Variants in AKAP8 observed in about 807,000 individuals in gnomAD.
AKAP8 encodes the protein A-kinase anchoring protein 8, also known as A-kinase anchor protein 8.
Under a neutral mutation model 67.5 loss-of-function variants are expected in AKAP8, and 24 were observed. The ratio of observed to expected loss-of-function variants is 0.36; its 90% CI spans 0.26 to 0.50. The LOEUF (loss-of-function observed/expected upper bound fraction) is 0.50, where lower values mean the gene tolerates loss of function less well. Among genes scored for constraint, AKAP8 ranks in the 20% least tolerant of loss-of-function variants. AKAP8 has a pLI of 0.97. For missense variants in AKAP8, 971 were observed against 955.9 expected, an observed-to-expected ratio of 1.02 and a Z score of -0.21; for synonymous variants, 400 against 371.1, an observed-to-expected ratio of 1.08 and a Z score of -0.90.
At chr19:15,357,663 C>T (rs528689836) in intron 13 of AKAP8, among the ~76,000 whole-genome samples, 91 of 149,810 alleles carry the variant, frequency 6.1e-4, no homozygotes, top group Non-Finnish European at 1.1e-3. Flanking sequence ...TTTTACCTTG[C>T]TTAAGCTGCA....
intron 6 of AKAP8, 102 bp from the exon 7 acceptor site, chr19:15,372,100 A>G: frequency 6.2e-7 from 1 of 1,608,562 alleles, no homozygotes; most frequent in Admixed American, 1.7e-5. Context: ...CCCTGACCAC[A>G]GTGGGGTTGA....
At chr19:15,363,978 C>T (rs962630523) in intron 9 of AKAP8, among the ~76,000 whole-genome samples, 2 of 151,538 alleles carry the variant, frequency 1.3e-5, no homozygotes, top group African/African-American at 2.4e-5. Flanking sequence ...GAGTCGTCAC[C>T]ACTCCCTAAT....
At position 15,353,546 on chromosome 19, in the gene AKAP8, A is replaced by G. The variant is rs895229784; in HGVS notation, c.*1369T>C. The G allele has an allele frequency of 7.9e-5, 12 of 152,072 alleles. No homozygotes were observed. Among genetic ancestry groups the G allele is most frequent in the African/African-American group, 2.9e-4 (12 of 41,484 alleles). The allele number at this position is 152,072 out of a possible 1,614,324, so 9.4% of individuals were successfully genotyped here. On this transcript the variant is annotated 3_prime_UTR_variant, in exon 14 of 14. Coordinates refer to ENST00000269701, the MANE Select transcript of AKAP8 (RefSeq NM_005858.4). ...TCGTCTTTTCAAGCAGTTTATTTCC[A>G]TTTTCAGTTCTAATGTTGACTTTTT...
chr19:15,367,821 G>C (rs1363175167), intron 9 of AKAP8, among the ~76,000 whole-genome samples: 1 of 152,230 alleles, frequency 6.6e-6, no homozygotes, highest in East Asian at 1.9e-4. Flanking sequence ...ACACAGGACA[G>C]TGTCTGAGAT....
At position 15,379,775 on chromosome 19, in the gene AKAP8, A is replaced by G. The variant is rs1274329754; in HGVS notation, c.-44T>C. On this transcript the variant is annotated 5_prime_UTR_variant, in exon 1 of 14. Coordinates refer to ENST00000269701, the MANE Select transcript of AKAP8 (RefSeq NM_005858.4). ...CAGCAGCCCCGTTTACTAGGCGACC[A>G]CAGCACGCATGCGTTCAGCGCACCT... is the stretch of plus-strand genomic sequence containing the variant. 1.2e-6 allele frequency: 2 copies of G among 1,609,630 alleles called. No individual in the cohort carries two copies. Among genetic ancestry groups the G allele is most frequent in the East Asian group, 2.2e-5 (1 of 44,542 alleles).
intron 4 of AKAP8, 116 bp from the exon 5 acceptor site, chr19:15,373,456 C>T: frequency 2.1e-6 from 3 of 1,426,490 alleles, no homozygotes; most frequent in Non-Finnish European, 2.8e-6. Context: ...CACCCTGCAT[C>T]CCACCTAAGT....
chr19:15,373,863 C>T lies in AKAP8; in HGVS notation c.294G>A (p.Gln98=), dbSNP rs1332921187. 5.6e-6 allele frequency: 9 copies of T among 1,613,086 alleles called. No homozygotes were observed. Among genetic ancestry groups the T allele is most frequent in the Non-Finnish European group, 7.6e-6 (9 of 1,179,942 alleles). Residue 98 remains glutamine, a synonymous_variant, in exon 4 of 14, where the codon CAG becomes CAA. Coordinates refer to ENST00000269701, the MANE Select transcript of AKAP8 (RefSeq NM_005858.4). ...CTTCCTTGGACATCATGTCCAAACGCTGGTTGATCTTGGCAATGAGGGAGT... is the reference window on the plus strand; with the variant it reads ...CTTCCTTGGACATCATGTCCAAACGTTGGTTGATCTTGGCAATGAGGGAGT... ...NSDSLIAKIN[Q]RLDMMSKEGG... is the part of the protein sequence containing the mutation.
intron 11 of AKAP8, among the ~76,000 whole-genome samples, 178 bp from the exon 12 acceptor site, chr19:15,361,156 T>G (rs751526811): frequency 1.3e-5 from 2 of 152,170 alleles, no homozygotes; most frequent in African/African-American, 4.8e-5. Context: ...TTCTGCACTT[T>G]TCAGCTTTTC....
At chr19:15,364,183 T>TG (rs1967032768) in intron 9 of AKAP8, among the ~76,000 whole-genome samples, 1 of 99,096 alleles carries the variant, frequency 1.0e-5, no homozygotes, top group African/African-American at 3.8e-5. Flanking sequence ...TTTTTGGAGA[T>TG]GGAGTTTTGC....
Position 15,372,931 on chromosome 19 carries a change from T to G in AKAP8, c.781A>C (p.Met261Leu). ...CTGTCATAGCCGCCCGCCCCCTGCA[T>G]GCCCATCACGCCGTAGTCGGGAGCC... ...SMAPDYGVMG[M>L]QGAGGYDSTM... The change falls in exon 5 of 14, where the codon ATG becomes CTG. Residue 261 changes from methionine (M) to leucine (L), a missense_variant. Physicochemically the swap from Met to Leu is conservative, Grantham distance 15. Around this residue, in one of 3 missense-constraint regions of AKAP8, gnomAD observed 763 missense variants for 745.4 expected, o/e 1.02. Coordinates refer to ENST00000269701, the MANE Select transcript of AKAP8 (RefSeq NM_005858.4). 1 of 1,530,770 alleles carries G rather than the reference T, an allele frequency of 6.5e-7. No individual in the cohort carries two copies. The highest frequency in any genetic ancestry group is 1.4e-5 in the African/African-American group (1 of 72,290). 94.8% of individuals were successfully genotyped at this position (1,530,770 alleles called of 1,614,324 possible).
intron 1 of AKAP8, among the ~76,000 whole-genome samples, chr19:15,377,854 T>A (rs1967280009): frequency 6.6e-6 from 1 of 152,036 alleles, no homozygotes; most frequent in Non-Finnish European, 1.5e-5. Flanking sequence ...CAGACAGCAC[T>A]CTTCACCCCT....
chr19:15,373,243 C>T lies in AKAP8; in HGVS notation c.469G>A (p.Asp157Asn), dbSNP rs772661694. 16 of 1,613,876 alleles carry T rather than the reference C, an allele frequency of 9.9e-6. No individual in the cohort carries two copies. The highest frequency in any genetic ancestry group is 1.3e-5 in the African/African-American group (1 of 74,936). Residue 157 changes from aspartate (D) to asparagine (N), a missense_variant, in exon 5 of 14, where the codon GAC (aspartate) becomes AAC (asparagine). Physicochemically the swap from Asp to Asn is conservative, Grantham distance 23 (BLOSUM62 1). This residue lies in a region of AKAP8 where 763 missense variants were observed against 745.4 expected (regional missense o/e 1.02). Transcript: ENST00000269701. ...RPSYSYDYEF[D>N]LGSDRNGSFG... The stretch of plus-strand genomic sequence containing the variant: ...CTGCCATTGCGGTCGGACCCCAGGT[C>T]GAACTCATAGTCGTAGCTGTAGCTG...
At chr19:15,366,099 TAAA>T (rs1555754955) in intron 9 of AKAP8, among the ~76,000 whole-genome samples, 2 of 83,828 alleles carry the variant, frequency 2.4e-5, no homozygotes, top group Non-Finnish European at 4.5e-5. Context: ...TTTTTTTTTT[TAAA>T]AAAAGTCACC....
intron 9 of AKAP8, among the ~76,000 whole-genome samples, chr19:15,365,924 G>C (rs1436412969): frequency 2.0e-5 from 3 of 151,824 alleles, no homozygotes; most frequent in East Asian, 3.9e-4. Context: ...TTGGGAGGCG[G>C]AGGTAGGAGG....
In AKAP8 at chr19:15,368,310, T is replaced by C; in HGVS notation, c.1085A>G (p.Asp362Gly). The C allele has an allele frequency of 6.2e-7, 1 of 1,613,686 alleles. No individual in the cohort carries two copies. The highest frequency in any genetic ancestry group is 1.1e-5 in the South Asian group (1 of 91,084). ...DSGRQRGEKE[D>G]EDEDVKKRRE... ...TCTCTTCTTCACATCCTCGTCCTCG[T>C]CCTCCTTCTCTCCTGTAACAGACAA... is the stretch of plus-strand genomic sequence containing the variant. Residue 362 changes from aspartate to glycine, a missense_variant, in exon 9 of 14, where the codon GAC (aspartate) becomes GGC (glycine). Transcript: ENST00000269701.
intron 1 of AKAP8, among the ~76,000 whole-genome samples, chr19:15,378,867 C>T (rs1428858114): frequency 1.3e-5 from 2 of 152,216 alleles, no homozygotes; most frequent in South Asian, 4.1e-4. Flanking sequence ...AGGCCAAGCG[C>T]TAAATCCTAG....
rs773387673 is a variant in AKAP8, at chr19:15,355,199, T to G, written c.1795A>C (p.Ser599Arg). 16 of 1,611,646 alleles carry G rather than the reference T, an allele frequency of 9.9e-6. No homozygotes were observed. The change falls in exon 14 of 14, where the codon AGC becomes CGC. Residue 599 changes from serine to arginine, a missense_variant. By Grantham distance (110) the Ser-to-Arg change is moderately radical (BLOSUM62 -1). This residue lies in a region of AKAP8 where 204 missense variants were observed against 193.0 expected (regional missense o/e 1.06). Coordinates refer to ENST00000269701, the MANE Select transcript of AKAP8 (RefSeq NM_005858.4). ...VDGEGAPAPE[S>R]SGEPAEDEGP... is the part of the protein sequence containing the mutation. ...TCGTCCTCAGCCGGCTCCCCGCTGC[T>G]CTCTGGAGCGGGCGCTCCTTCCCCA...
At chr19:15,367,700 T>C (rs1228498414) in intron 9 of AKAP8, among the ~76,000 whole-genome samples, 1 of 152,216 alleles carries the variant, frequency 6.6e-6, no homozygotes, top group Non-Finnish European at 1.5e-5. Flanking sequence ...GGGCTCAACA[T>C]TTTTGCAATC....
chr19:15,367,881 G>A (rs541152695), intron 9 of AKAP8, among the ~76,000 whole-genome samples: 1 of 152,348 alleles, frequency 6.6e-6, no homozygotes, highest in Admixed American at 6.5e-5. Context: ...CTGCAGGAGA[G>A]TAACAGAGCC....
Sources: allele counts gnomAD v4.1 joint callset (sites outside exome capture counted in the v4.1 genomes callset), GRCh38; gene constraint gnomAD v4.1.1; regional missense constraint gnomAD v4.1.1; transcripts MANE v1.5; gene names NCBI Gene and HGNC (gene_info 2026-07-23, HGNC 2026-07-21).